The following COL9A2 variants were observed in gnomAD, a reference collection of about 807,000 sequenced individuals.
COL9A2 encodes the protein collagen type IX alpha 2 chain.
In COL9A2, 66 loss-of-function variants were observed where a neutral mutation model predicts 111.6. The ratio of observed to expected loss-of-function variants is 0.59; its 90% CI spans 0.48 to 0.73. The LOEUF (loss-of-function observed/expected upper bound fraction) is 0.73, where lower values mean the gene tolerates loss of function less well. Ranked by LOEUF, COL9A2 falls within the 30% of genes least tolerant of loss-of-function variation. The pLI, the probability that COL9A2 is intolerant of heterozygous loss-of-function variation, is 0.00. For synonymous variants in COL9A2, 353 were observed against 364.1 expected (o/e 0.97, Z 0.35); for missense variants, 881 against 954.1 (o/e 0.92, Z 1.01).
At chr1:40,308,331 G>GTT in intron 16 of COL9A2, 86 bp from the exon 17 acceptor site, 4 of 1,399,922 alleles carry the variant, frequency 2.9e-6, no homozygotes, top group Non-Finnish European at 4.0e-6. Flanking sequence ...GAGAACAGTG[G>GTT]CCTCTAGGTC....
chr1:40,310,438 A>G lies in COL9A2; in HGVS notation c.685-121T>C. 4 of 1,041,718 alleles carry G rather than the reference A, an allele frequency of 3.8e-6. No homozygotes were observed. The highest frequency in any genetic ancestry group is 1.9e-5 in the Admixed American group (1 of 53,160). The allele number at this position is 1,041,718 out of a possible 1,614,324, so 64.5% of individuals were successfully genotyped here. On this transcript the variant is annotated intron_variant, in intron 13 of 31. Transcript: ENST00000372748. This position sits in a 1 kb window ranked among gnomAD's most constrained non-coding sequence, Gnocchi z 4.9. ...AGGTAGGCAGCAGAGTCTCTGTCTC[A>G]TGGATGGGACATGGAGGTTCAGAGA...
At chr1:40,315,512 C>T in intron 2 of COL9A2, 78 bp downstream of exon 2, 1 of 1,484,932 alleles carries the variant, frequency 6.7e-7, no homozygotes, top group Non-Finnish European at 9.1e-7. Flanking sequence ...CCGAAGTCCC[C>T]ACCCCCACCA....
Position 40,307,799 on chromosome 1 carries a change from T to C in COL9A2, c.901-43A>G. On this transcript the variant is annotated intron_variant, in intron 17 of 31. Coordinates refer to ENST00000372748, the MANE Select transcript of COL9A2 (RefSeq NM_001852.4). The surrounding 1 kb of genome is among the most constrained non-coding windows in gnomAD (Gnocchi z 4.8). ...TCAAGGGAGAGTGATAATGCGGAGATGTCTGGGGTCTGGCCACCCACCCCT... is the reference window on the plus strand; with the variant it reads ...TCAAGGGAGAGTGATAATGCGGAGACGTCTGGGGTCTGGCCACCCACCCCT... 6.2e-7 allele frequency: 1 copy of C among 1,607,068 alleles called. No homozygotes were observed. Among genetic ancestry groups the C allele is most frequent in the Non-Finnish European group, 8.5e-7 (1 of 1,174,002 alleles).
Position 40,304,306 on chromosome 1 carries a change from G to T in COL9A2, c.1287+14C>A, listed in dbSNP as rs754966856. 1.4e-5 allele frequency: 21 copies of T among 1,554,078 alleles called. No homozygotes were observed. In the Admixed American group the frequency reaches 1.8e-4, roughly 13 times the overall value. On this transcript the variant is annotated intron_variant, in intron 24 of 31. Transcript: ENST00000372748. ...GGGCCCCTTTCCCAGGTGTTTCCCA[G>T]CCCCATCTGGCACCTTGTCTCCTTT... is the stretch of plus-strand genomic sequence containing the variant.
At position 40,303,517 on chromosome 1, in the gene COL9A2, G is replaced by A. The variant is rs1643949804; in HGVS notation, c.1548+13C>T. The A allele has an allele frequency of 6.2e-7, 1 of 1,612,684 alleles. No individual in the cohort carries two copies. The highest frequency in any genetic ancestry group is 1.3e-5 in the African/African-American group (1 of 74,882). On this transcript the variant is annotated intron_variant, in intron 28 of 31. Coordinates refer to ENST00000372748, the MANE Select transcript of COL9A2 (RefSeq NM_001852.4). This position sits in a 1 kb window ranked among gnomAD's most constrained non-coding sequence, Gnocchi z 4.6. ...CCTAGAAGAAGCACCTCCTACCCCG[G>A]GGCCCGACTCACCTCCACGCCCTGT... is the stretch of plus-strand genomic sequence containing the variant.
chr1:40,317,243 A>C lies in COL9A2; in HGVS notation c.-46T>G, dbSNP rs745890554. 1.6e-6 allele frequency: 2 copies of C among 1,288,734 alleles called. No individual in the cohort carries two copies. The highest frequency in any genetic ancestry group is 1.6e-5 in the African/African-American group (1 of 64,432). 79.8% of individuals were successfully genotyped at this position (1,288,734 alleles called of 1,614,324 possible). A position where few individuals can be genotyped will look rare whatever the true frequency, so the allele number is the denominator to read the frequency against. ...GGGACGGGTGCGTGTCCGCGCACGC[A>C]CCGACGGCAGAGTCTCCCGGCGCTC... On this transcript the variant is annotated 5_prime_UTR_variant, in exon 1 of 32. Transcript: ENST00000372748. The surrounding 1 kb of genome is among the most constrained non-coding windows in gnomAD (Gnocchi z 4.3).
rs1168782954 is a variant in COL9A2, at chr1:40,304,365, G to A, written c.1242C>T (p.Pro414=). The A allele has an allele frequency of 3.2e-6, 5 of 1,583,410 alleles. No individual in the cohort carries two copies. The highest frequency in any genetic ancestry group is 2.3e-5 in the South Asian group (2 of 87,300). Residue 414 remains proline (P), a synonymous_variant, in exon 24 of 32, where the codon CCC becomes CCT. Coordinates refer to ENST00000372748, the MANE Select transcript of COL9A2 (RefSeq NM_001852.4). Reference sequence around the variant, plus strand: ...GCAAGCCTTGGGGCCCTGGAATTCCGGGGGGGCCCTGCTCCCCCTTAGGGC... The same window carrying A: ...GCAAGCCTTGGGGCCCTGGAATTCCAGGGGGGCCCTGCTCCCCCTTAGGGC... The part of the protein sequence containing the change: ...RQGPKGEQGP[P]GIPGPQGLPG...
At position 40,316,582 on chromosome 1, in the gene COL9A2, C is replaced by T. The variant is rs1237041362; in HGVS notation, c.75+541G>A. On this transcript the variant is annotated intron_variant, in intron 1 of 31. Transcript: ENST00000372748. The surrounding 1 kb of genome is among the most constrained non-coding windows in gnomAD (Gnocchi z 5.5). Reference sequence around the variant, plus strand: ...ACGACCTCCCCAGGCCGCGAAGTGCCAGGCTGGCGCCCCGCAGGCGAGCTC... The same window carrying T: ...ACGACCTCCCCAGGCCGCGAAGTGCTAGGCTGGCGCCCCGCAGGCGAGCTC... 1.1e-5 allele frequency: 5 copies of T among 454,548 alleles called. No homozygotes were observed. In the East Asian group the frequency reaches 3.6e-4, roughly 32 times the overall value. 28.2% of individuals were successfully genotyped at this position (454,548 alleles called of 1,614,324 possible). A position where few individuals can be genotyped will look rare whatever the true frequency, so the allele number is the denominator to read the frequency against.
chr1:40,305,290 C>T (rs1009025524), intron 21 of COL9A2, among the ~76,000 whole-genome samples: 13 of 152,038 alleles, frequency 8.6e-5, no homozygotes, highest in Admixed American at 1.3e-4. Flanking sequence ...CTCCTGACCT[C>T]GTGATCCACC....
Position 40,310,407 on chromosome 1 carries a change from CT to C in COL9A2, c.685-91del. 7.5e-7 allele frequency: 1 copy of C among 1,334,512 alleles called. No individual in the cohort carries two copies. Among genetic ancestry groups the C allele is most frequent in the Non-Finnish European group, 1.1e-6 (1 of 931,574 alleles). The allele number at this position is 1,334,512 out of a possible 1,614,324, so 82.7% of individuals were successfully genotyped here. On this transcript the variant is annotated intron_variant, in intron 13 of 31. Transcript: ENST00000372748. This position sits in a 1 kb window ranked among gnomAD's most constrained non-coding sequence, Gnocchi z 4.9. The stretch of plus-strand genomic sequence containing the variant: ...TGCCCACCTTCAATCTTACAGTGCC[CT>C]TTTGAGGTAGGCAGCAGAGTCTCTG...
At position 40,310,188 on chromosome 1, in the gene COL9A2, G is replaced by A. The variant is rs1325944683; in HGVS notation, c.739-24C>T. 1.9e-6 allele frequency: 3 copies of A among 1,613,974 alleles called. No individual in the cohort carries two copies. The highest frequency in any genetic ancestry group is 2.2e-5 in the East Asian group (1 of 44,888). On this transcript the variant is annotated intron_variant, in intron 14 of 31. Coordinates refer to ENST00000372748, the MANE Select transcript of COL9A2 (RefSeq NM_001852.4). The surrounding 1 kb of genome is among the most constrained non-coding windows in gnomAD (Gnocchi z 4.9). Reference sequence around the variant, plus strand: ...CCCTGGGGAGAGGAAAGGGTTGCAGGTCAGTCCTGGCTGAACTCCAGGGGC... The same window carrying A: ...CCCTGGGGAGAGGAAAGGGTTGCAGATCAGTCCTGGCTGAACTCCAGGGGC...
chr1:40,305,880 G>A (rs2734310), intron 20 of COL9A2, 112 bp from the exon 21 acceptor site: 1 of 973,226 alleles, frequency 1.0e-6, no homozygotes, highest in Admixed American at 1.8e-5. Flanking sequence ...TGGGACGGGG[G>A]AGAGGGTATT....
rs777053642 is a variant in COL9A2, at chr1:40,311,469, T to C, written c.519+31A>G. The C allele has an allele frequency of 7.9e-6, 8 of 1,011,760 alleles. No homozygotes were observed. Among genetic ancestry groups the C allele is most frequent in the Non-Finnish European group, 1.0e-5 (7 of 679,720 alleles). The allele number at this position is 1,011,760 out of a possible 1,614,324, so 62.7% of individuals were successfully genotyped here. The stretch of plus-strand genomic sequence containing the variant: ...CCATCTCTGTGGCCCCGCCCCCCTG[T>C]GTTAGCCCCGCCCCAGACCTCGTCT... On this transcript the variant is annotated intron_variant, in intron 10 of 31. Coordinates refer to ENST00000372748, the MANE Select transcript of COL9A2 (RefSeq NM_001852.4). This position sits in a 1 kb window ranked among gnomAD's most constrained non-coding sequence, Gnocchi z 5.1.
Position 40,304,802 on chromosome 1 carries a change from C to T in COL9A2, c.1153G>A (p.Gly385Arg), listed in dbSNP as rs1249655536. 1 of 1,550,894 alleles carries T rather than the reference C, an allele frequency of 6.4e-7. No homozygotes were observed. Among genetic ancestry groups the T allele is most frequent in the Non-Finnish European group, 8.7e-7 (1 of 1,146,866 alleles). The change falls in exon 22 of 32, where the codon GGA (glycine) becomes AGA (arginine). Residue 385 changes from glycine to arginine, a missense_variant. Physicochemically the swap from Gly to Arg is moderately radical, Grantham distance 125. Coordinates refer to ENST00000372748, the MANE Select transcript of COL9A2 (RefSeq NM_001852.4). ...RGEIGPQGIM[G>R]QKGDQGERGP... ...TTGTGCCAGGCACTTACCTTCTGTC[C>T]CATGATGCCCTGGGGACCAATTTCT...
In COL9A2 at chr1:40,311,423, C is replaced by G; in HGVS notation, c.519+77G>C. 1.9e-6 allele frequency: 3 copies of G among 1,589,372 alleles called. No homozygotes were observed. The highest frequency in any genetic ancestry group is 3.4e-5 in the Admixed American group (2 of 59,100). On this transcript the variant is annotated intron_variant, in intron 10 of 31. Transcript: ENST00000372748. The surrounding 1 kb of genome is among the most constrained non-coding windows in gnomAD (Gnocchi z 5.1). ...CCCTCCCCATCTCTCCAGACACCCC[C>G]ATCTCCGTGGCCCCGCCTCCCCATC...
At chr1:40,315,686 G>C in intron 1 of COL9A2, 22 bp from the exon 2 acceptor site, 1 of 1,542,490 alleles carries the variant, frequency 6.5e-7, no homozygotes, top group Non-Finnish European at 8.8e-7. Context: ...ACACGGGGTG[G>C]GGCAGTCCTC....
In COL9A2 at chr1:40,302,896, G is replaced by T; in HGVS notation, c.1604-87C>A. The T allele has an allele frequency of 3.7e-6, 5 of 1,367,650 alleles. No individual in the cohort carries two copies. Among genetic ancestry groups the T allele is most frequent in the Non-Finnish European group, 2.0e-6 (2 of 992,010 alleles). 84.7% of individuals were successfully genotyped at this position (1,367,650 alleles called of 1,614,324 possible). ...TAGGGGAGGCAGAGCATTCCGATGG[G>T]CCCTGGCCCCTAGGTTTGCAGACAG... On this transcript the variant is annotated intron_variant, in intron 29 of 31. Transcript: ENST00000372748. This position sits in a 1 kb window ranked among gnomAD's most constrained non-coding sequence, Gnocchi z 4.5.
At chr1:40,308,328 G>A (rs1375245605) in intron 16 of COL9A2, 83 bp from the exon 17 acceptor site, 1 of 1,419,342 alleles carries the variant, frequency 7.0e-7, no homozygotes. Context: ...ACTGAGAACA[G>A]TGGCCTCTAG....
rs762691361 is a variant in COL9A2 at position 40,314,004 on chromosome 1, G to A, written c.249+201C>T. 6.6e-5 allele frequency among the ~76,000 whole-genome samples: 10 copies of A among 152,170 alleles called. No individual in the cohort carries two copies. The highest frequency in any genetic ancestry group is 2.9e-5 in the Non-Finnish European group (2 of 68,034). ...AAAGCAGACCCTCTCTCTGGACCCC[G>A]GTTGCCTGCAAATCAATGACCCTGG... On this transcript the variant is annotated intron_variant, in intron 4 of 31. Coordinates refer to ENST00000372748, the MANE Select transcript of COL9A2 (RefSeq NM_001852.4). The surrounding 1 kb of genome is among the most constrained non-coding windows in gnomAD (Gnocchi z 4.1).
Sources: allele counts gnomAD v4.1 joint callset (sites outside exome capture counted in the v4.1 genomes callset), GRCh38; gene constraint gnomAD v4.1.1; non-coding constraint Gnocchi (gnomAD v3.1); transcripts MANE v1.5; gene names NCBI Gene and HGNC (gene_info 2026-07-23, HGNC 2026-07-21).